The following BUD13 variants were observed in gnomAD, a reference collection of about 807,000 sequenced individuals.
BUD13 encodes BUD13 homolog.
BUD13 carries 47 observed loss-of-function variants against 62.5 expected under a neutral mutation model. That is an observed-to-expected ratio of 0.75 (90% CI 0.60 to 0.96). The LOEUF is 0.96. Among genes scored for constraint, BUD13 ranks in the 40% least tolerant of loss-of-function variants. The probability of loss-of-function intolerance (pLI) is 0.00; values close to 1 mark genes in which losing one functional copy is unlikely to be tolerated. For synonymous variants in BUD13, 293 were observed against 280.1 expected (o/e 1.05, Z -0.46); for missense variants, 821 against 790.9 (o/e 1.04, Z -0.46).
At chr11:116,768,769 C>T (rs1002350305) in intron 2 of BUD13, among the ~76,000 whole-genome samples, 2 of 151,568 alleles carry the variant, frequency 1.3e-5, no homozygotes, top group South Asian at 2.1e-4. Context: ...TTCAGGAGGC[C>T]GAGGTGGGCG....
In BUD13 at chr11:116,757,233, G is replaced by A. The variant is rs373203414; in HGVS notation, c.1685-6C>T. 6.2e-7 allele frequency: 1 copy of A among 1,611,974 alleles called. No individual in the cohort carries two copies. Among genetic ancestry groups the A allele is most frequent in the Non-Finnish European group, 8.5e-7 (1 of 1,178,140 alleles). On this transcript the variant is annotated splice_polypyrimidine_tract_variant and splice_region_variant and intron_variant, in intron 8 of 9. Transcript: ENST00000260210. ...ACCACTGTAGCGAGGTCTCACTAAT[G>A]AGAGGAGTAAGAAAAAAGTATTCAG...
At chr11:116,768,779 G>A (rs574575359) in intron 2 of BUD13, among the ~76,000 whole-genome samples, 48 of 151,854 alleles carry the variant, frequency 3.2e-4, no homozygotes, top group African/African-American at 1.0e-3. Context: ...CGAGGTGGGC[G>A]GATCACGAGG....
In BUD13 at chr11:116,762,566, C is replaced by G. The variant is rs1222215169; in HGVS notation, c.1023G>C (p.Gln341His). The G allele has an allele frequency of 6.2e-7, 1 of 1,608,838 alleles. No individual in the cohort carries two copies. Among genetic ancestry groups the G allele is most frequent in the East Asian group, 2.2e-5 (1 of 44,862 alleles). ...TCATATGCTCACCTTTGGAATCAAG[C>G]TGCTTCTTGTCTCCAAAATGGGATT... Reference protein sequence around the residue: ...QAKSHFGDKKQLDSKGDCQKA... With the variant: ...QAKSHFGDKKHLDSKGDCQKA... Residue 341 changes from glutamine to histidine, a missense_variant, in exon 4 of 10, where the codon CAG becomes CAC. This residue lies in a region of BUD13 where 800 missense variants were observed against 739.2 expected (regional missense o/e 1.08). Coordinates refer to ENST00000260210, the MANE Select transcript of BUD13 (RefSeq NM_032725.4).
chr11:116,768,346 A>G (rs1004763401), intron 2 of BUD13, among the ~76,000 whole-genome samples: 2 of 152,162 alleles, frequency 1.3e-5, no homozygotes, highest in African/African-American at 4.8e-5. Context: ...TATCCACAAC[A>G]TATTATTTAG....
chr11:116,765,484 A>G (rs1940516968), intron 2 of BUD13, 38 bp from the exon 3 acceptor site: 1 of 1,609,968 alleles, frequency 6.2e-7, no homozygotes, highest in Admixed American at 1.7e-5. Context: ...GGAAATCCAC[A>G]GGATCCAGCC....
chr11:116,770,407 G>T (rs1247620532), intron 1 of BUD13, among the ~76,000 whole-genome samples, 185 bp from the exon 2 acceptor site: 1 of 152,176 alleles, frequency 6.6e-6, no homozygotes, highest in Non-Finnish European at 1.5e-5. Context: ...GTCATCCTTT[G>T]GTGCTTAGAA....
intron 3 of BUD13, among the ~76,000 whole-genome samples, chr11:116,763,651 G>A (rs1291861182): frequency 2.0e-5 from 3 of 152,102 alleles, no homozygotes; most frequent in Non-Finnish European, 2.9e-5. Context: ...TAGAATCCAA[G>A]TCTTCTAACT....
rs374265613 is a variant in BUD13, at chr11:116,763,080, T to C, written c.509A>G (p.His170Arg). 187 of 1,581,306 alleles carry C rather than the reference T, an allele frequency of 1.2e-4. No individual in the cohort carries two copies. Among genetic ancestry groups the C allele is most frequent in the Non-Finnish European group, 1.4e-4 (166 of 1,157,836 alleles). ...CCTGGGAGGAGATGTGTCTGAGTCA[T>C]GACGAGCCCCTCTGAGGGGAGAAGG... ...PDPSPLRGAR[H>R]DSDTSPPRRI... Residue 170 changes from histidine to arginine, a missense_variant, in exon 4 of 10, where the codon CAT becomes CGT. This residue lies in a region of BUD13 where 800 missense variants were observed against 739.2 expected (regional missense o/e 1.08). Coordinates refer to ENST00000260210, the MANE Select transcript of BUD13 (RefSeq NM_032725.4).
At chr11:116,765,069 C>T (rs1029514589) in intron 3 of BUD13, among the ~76,000 whole-genome samples, 8 of 152,178 alleles carry the variant, frequency 5.3e-5, no homozygotes, top group African/African-American at 1.9e-4. Flanking sequence ...TGCCTATACA[C>T]CAAGTGCTCT....
intron 2 of BUD13, among the ~76,000 whole-genome samples, chr11:116,767,778 A>G (rs1171780925): frequency 6.6e-6 from 1 of 151,510 alleles, no homozygotes; most frequent in Non-Finnish European, 1.5e-5. Flanking sequence ...GGTCAAGACC[A>G]GACTGGGCAA....
chr11:116,772,973 CG>C lies in BUD13; in HGVS notation c.-10del, dbSNP rs532513326. 6.5e-6 allele frequency: 10 copies of C among 1,532,172 alleles called. No homozygotes were observed. The highest frequency in any genetic ancestry group is 8.8e-6 in the Non-Finnish European group (10 of 1,134,318). 94.9% of individuals were successfully genotyped at this position (1,532,172 alleles called of 1,614,324 possible). A position where few individuals can be genotyped will look rare whatever the true frequency, so the allele number is the denominator to read the frequency against. ...GGCGGAGCTGCCGCCATGGCAGCGG[CG>C]GGGGCAGAGAGACGGGTCGGCGCTG... On this transcript the variant is annotated 5_prime_UTR_variant, in exon 1 of 10. Coordinates refer to ENST00000260210, the MANE Select transcript of BUD13 (RefSeq NM_032725.4).
At chr11:116,759,441 A>T (rs1940391940) in intron 5 of BUD13, among the ~76,000 whole-genome samples, 1 of 152,236 alleles carries the variant, frequency 6.6e-6, no homozygotes, top group African/African-American at 2.4e-5. Context: ...ACTTTTCAGT[A>T]TATAAACTGC....
chr11:116,760,165 T>C (rs1469663297), intron 5 of BUD13, among the ~76,000 whole-genome samples: 1 of 152,234 alleles, frequency 6.6e-6, no homozygotes, highest in Non-Finnish European at 1.5e-5. Context: ...AGACCTATAG[T>C]CCAATTTATA....
intron 3 of BUD13, among the ~76,000 whole-genome samples, chr11:116,764,694 A>C (rs772746464): frequency 3.7e-4 from 57 of 152,178 alleles, no homozygotes; most frequent in Non-Finnish European, 7.1e-4. Flanking sequence ...CAATTCTACA[A>C]ATATTTATTA....
chr11:116,758,531 C>T (rs952301196), intron 6 of BUD13, 124 bp from the exon 7 acceptor site: 2 of 1,009,260 alleles, frequency 2.0e-6, no homozygotes, highest in Non-Finnish European at 2.8e-6. Context: ...CAAAGTAGTT[C>T]CTACCAACAT....
At chr11:116,772,413 G>A (rs569001792) in intron 1 of BUD13, among the ~76,000 whole-genome samples, 26 of 152,304 alleles carry the variant, frequency 1.7e-4, no homozygotes, top group South Asian at 1.0e-3. Flanking sequence ...GTGATCAAAG[G>A]TCTCTGATTC....
chr11:116,750,941 C>G (rs1940221421), intron 9 of BUD13, among the ~76,000 whole-genome samples: 2 of 152,168 alleles, frequency 1.3e-5, no homozygotes. Flanking sequence ...CATGGTGTCT[C>G]ATAGCCTTAT....
At chr11:116,751,709 A>G (rs185089018) in intron 9 of BUD13, among the ~76,000 whole-genome samples, 1 of 152,214 alleles carries the variant, frequency 6.6e-6, no homozygotes, top group Non-Finnish European at 1.5e-5. Context: ...CAAAGCACCA[A>G]GGAAACCACT....
At chr11:116,764,726 T>C (rs933935963) in intron 3 of BUD13, among the ~76,000 whole-genome samples, 1 of 152,182 alleles carries the variant, frequency 6.6e-6, no homozygotes, top group African/African-American at 2.4e-5. Flanking sequence ...TTGTGCTAGA[T>C]AGGGGAATAT....
Sources: allele counts gnomAD v4.1 joint callset (sites outside exome capture counted in the v4.1 genomes callset), GRCh38; gene constraint gnomAD v4.1.1; regional missense constraint gnomAD v4.1.1; transcripts MANE v1.5; gene names NCBI Gene and HGNC (gene_info 2026-07-23, HGNC 2026-07-21).